Variants in SNTG1 observed in about 807,000 individuals in gnomAD.
The protein encoded by SNTG1 is gamma-1-syntrophin.
A neutral mutation model predicts 74.7 loss-of-function variants in SNTG1; 39 were observed. The ratio of observed to expected loss-of-function variants is 0.52; its 90% confidence interval spans 0.40 to 0.68. The LOEUF (loss-of-function observed/expected upper bound fraction) is 0.68, where lower values mean the gene tolerates loss of function less well. Ranked by LOEUF, SNTG1 falls within the 30% of genes least tolerant of loss-of-function variation. The probability of loss-of-function intolerance (pLI) is 0.00; values close to 1 mark genes in which losing one functional copy is unlikely to be tolerated. For synonymous variants in SNTG1, 254 were observed against 217.1 expected (o/e 1.17, Z -1.49); for missense variants, 685 against 609.5 (o/e 1.12, Z -1.30).
intron 2 of SNTG1, among the ~76,000 whole-genome samples, chr8:50,205,933 G>A (rs1190821875): frequency 1.3e-5 from 2 of 152,246 alleles, no homozygotes; most frequent in East Asian, 3.9e-4. Context: ...CTATATATCT[G>A]TTTTGGTACC....
At chr8:49,978,911 G>A (rs966715183) in intron 1 of SNTG1, among the ~76,000 whole-genome samples, 3 of 152,294 alleles carry the variant, frequency 2.0e-5, no homozygotes, top group East Asian at 3.9e-4. Flanking sequence ...GACCCTAGAC[G>A]TCAGTGTCAC....
intron 8 of SNTG1, among the ~76,000 whole-genome samples, chr8:50,452,420 TTTTTCA>T (rs1369164764): frequency 2.0e-5 from 3 of 152,226 alleles, no homozygotes; most frequent in Non-Finnish European, 2.9e-5. Flanking sequence ...ACTTGACTCT[TTTTTCA>T]AAAGTACAAA....
intron 2 of SNTG1, among the ~76,000 whole-genome samples, chr8:50,238,499 G>A (rs1434832697): frequency 6.6e-6 from 1 of 152,042 alleles, no homozygotes; most frequent in East Asian, 1.9e-4. Flanking sequence ...ACTTAAGATG[G>A]ATTAAAGACT....
At chr8:50,134,372 C>T (rs2081405877) in intron 1 of SNTG1, among the ~76,000 whole-genome samples, 1 of 152,052 alleles carries the variant, frequency 6.6e-6, no homozygotes, top group Admixed American at 6.6e-5. Flanking sequence ...GAGGAGCTTT[C>T]CAAATGAGGC....
chr8:50,339,538 C>A (rs2091257162), intron 2 of SNTG1, among the ~76,000 whole-genome samples: 1 of 151,802 alleles, frequency 6.6e-6, no homozygotes, highest in Non-Finnish European at 1.5e-5. Context: ...CTACTATAAA[C>A]CACATGCATT....
intron 1 of SNTG1, among the ~76,000 whole-genome samples, chr8:50,131,044 G>A (rs1251136760): frequency 6.6e-6 from 1 of 151,590 alleles, no homozygotes; most frequent in African/African-American, 2.4e-5. Flanking sequence ...AATAAAAACA[G>A]CATGTTTAAT....
At chr8:50,342,403 G>A (rs989789964) in intron 2 of SNTG1, among the ~76,000 whole-genome samples, 56 of 152,146 alleles carry the variant, frequency 3.7e-4, no homozygotes, top group African/African-American at 1.3e-3. Flanking sequence ...TCTATACTAC[G>A]TTTTAAAGAC....
chr8:50,395,409 C>A (rs1332196669), intron 3 of SNTG1, among the ~76,000 whole-genome samples: 1 of 151,352 alleles, frequency 6.6e-6, no homozygotes, highest in East Asian at 1.9e-4. Flanking sequence ...GTACATTATT[C>A]ATCTTTTTAA....
chr8:50,420,216 A>G (rs963783584), intron 4 of SNTG1, among the ~76,000 whole-genome samples: 1 of 152,208 alleles, frequency 6.6e-6, no homozygotes, highest in African/African-American at 2.4e-5. Context: ...AAACAAATTC[A>G]TGTCAATCAC....
intron 17 of SNTG1, among the ~76,000 whole-genome samples, chr8:50,748,274 C>T (rs1380690603): frequency 2.6e-5 from 4 of 151,942 alleles, no homozygotes; most frequent in African/African-American, 9.7e-5. Context: ...GAACCTTTAC[C>T]AATCTCATTT....
intron 9 of SNTG1, among the ~76,000 whole-genome samples, chr8:50,526,619 G>A (rs2094221753): frequency 6.9e-6 from 1 of 145,972 alleles, no homozygotes; most frequent in South Asian, 2.2e-4. Flanking sequence ...GTGTGTGTGT[G>A]TGTATACACA....
At position 50,322,112 on chromosome 8, in the gene SNTG1, TTC is replaced by T. The variant is rs200775084; in HGVS notation, c.-27-72098_-27-72097del. Among the ~76,000 whole-genome samples, 102 of 47,372 alleles carry T rather than the reference TTC, an allele frequency of 2.2e-3. 2 individuals are homozygous for T. In the South Asian group the frequency reaches 0.036, roughly 17 times the overall value. 31.1% of individuals were successfully genotyped at this position (47,372 alleles called of 152,430 possible). A position where few individuals can be genotyped will look rare whatever the true frequency, so the allele number is the denominator to read the frequency against. ...ATTGGAGAATTGCCTTTAGCATTTC[TTC>T]TTTTTTTTATTATTATACTTTAAGT... On this transcript the variant is annotated intron_variant, in intron 2 of 18. Coordinates refer to ENST00000642720, the MANE Select transcript of SNTG1 (RefSeq NM_018967.5).
chr8:50,388,895 T>C (rs2092614645), intron 2 of SNTG1, among the ~76,000 whole-genome samples: 1 of 152,150 alleles, frequency 6.6e-6, no homozygotes, highest in South Asian at 2.1e-4. Flanking sequence ...ACCACAAATA[T>C]CAAGCACTTA....
intron 2 of SNTG1, among the ~76,000 whole-genome samples, chr8:50,249,670 C>T (rs899126262): frequency 1.3e-5 from 2 of 152,190 alleles, no homozygotes; most frequent in African/African-American, 4.8e-5. Context: ...CAGTCACAAA[C>T]TGCTGTAGCC....
chr8:49,987,921 C>G (rs1001758344), intron 1 of SNTG1, among the ~76,000 whole-genome samples: 1 of 152,062 alleles, frequency 6.6e-6, no homozygotes, highest in Non-Finnish European at 1.5e-5. Context: ...GTTAAATTAA[C>G]CTTTTATTAA....
At chr8:50,733,848 A>T (rs2131629840) in intron 17 of SNTG1, among the ~76,000 whole-genome samples, 1 of 151,628 alleles carries the variant, frequency 6.6e-6, no homozygotes, top group Admixed American at 6.6e-5. Context: ...TAGCATTATG[A>T]CTATTATTTT....
chr8:49,992,506 C>T (rs937018788), intron 1 of SNTG1, among the ~76,000 whole-genome samples: 6 of 152,154 alleles, frequency 3.9e-5, no homozygotes, highest in African/African-American at 1.4e-4. Context: ...TTATTAGAGA[C>T]ACTTCATAGT....
chr8:50,726,726 G>A (rs1249907328), intron 17 of SNTG1, among the ~76,000 whole-genome samples: 4 of 152,174 alleles, frequency 2.6e-5, no homozygotes, highest in African/African-American at 9.7e-5. Context: ...GCGGACGCCT[G>A]TAGTCCCAGC....
intron 1 of SNTG1, among the ~76,000 whole-genome samples, chr8:50,107,164 C>T (rs1010641357): frequency 2.6e-5 from 4 of 152,128 alleles, no homozygotes; most frequent in African/African-American, 9.7e-5. Context: ...TTCTTGAATG[C>T]CCTTTTATAT....
Sources: allele counts gnomAD v4.1 joint callset (sites outside exome capture counted in the v4.1 genomes callset), GRCh38; gene constraint gnomAD v4.1.1; transcripts MANE v1.5; gene names NCBI Gene and HGNC (gene_info 2026-07-23, HGNC 2026-07-21).